Variants in TTLL8 observed in about 807,000 individuals in gnomAD.
The protein encoded by TTLL8 is tubulin tyrosine ligase like 8, also known as protein monoglycylase TTLL8.
In TTLL8, 65 loss-of-function variants were observed where a neutral mutation model predicts 77.8. The ratio of observed to expected loss-of-function variants is 0.84; its 90% CI spans 0.68 to 1.03. The LOEUF is 1.03. TTLL8 is among the 50% of genes least tolerant of loss of function. TTLL8 has a pLI of 0.00. For synonymous variants in TTLL8, 402 were observed against 422.8 expected (o/e 0.95, Z 0.60); for missense variants, 910 against 1,004.5 (o/e 0.91, Z 1.27).
At chr22:50,053,643 A>C (rs1976744484) in intron 1 of TTLL8, among the ~76,000 whole-genome samples, 1 of 152,254 alleles carries the variant, frequency 6.6e-6, no homozygotes, top group Non-Finnish European at 1.5e-5. Flanking sequence ...TTCTACTTAT[A>C]TGAAGTTCCA....
At chr22:50,020,289 G>GTGCACTCCTCCATCTGACA (rs1485191062) in intron 12 of TTLL8, among the ~76,000 whole-genome samples, 4 of 146,320 alleles carry the variant, frequency 2.7e-5, no homozygotes, top group Non-Finnish European at 6.0e-5. Flanking sequence ...TCCATCTGAT[G>GTGCACTCCTCCATCTGACA]TGCACTCCTC....
chr22:50,045,909 A>G (rs375295282), exon 5 of TTLL8: 33 of 1,362,012 alleles, frequency 2.4e-5, no homozygotes, highest in Admixed American at 9.6e-5. Context: ...GCGTGGGAAG[A>G]AGGAGTCGGG....
intron 12 of TTLL8, among the ~76,000 whole-genome samples, chr22:50,024,514 G>T (rs1287637578): frequency 1.3e-5 from 2 of 152,218 alleles, no homozygotes; most frequent in Non-Finnish European, 2.9e-5. Flanking sequence ...TCCTTCAAGA[G>T]AGTATATTTT....
At chr22:50,043,123 T>C (rs1041690231) in intron 6 of TTLL8, among the ~76,000 whole-genome samples, 7 of 148,674 alleles carry the variant, frequency 4.7e-5, no homozygotes, top group Non-Finnish European at 1.1e-4. Context: ...AGATAAACAG[T>C]GGTGCCGAGA....
chr22:50,027,671 C>T (rs905455990), intron 12 of TTLL8: 182 of 985,346 alleles, frequency 1.8e-4, no homozygotes, highest in Non-Finnish European at 2.2e-4. Flanking sequence ...TCCTGCTGGC[C>T]GGACTGGGCC....
chr22:50,030,157 G>C, intron 12 of TTLL8: 1 of 984,968 alleles, frequency 1.0e-6, no homozygotes, highest in Non-Finnish European at 1.2e-6. Context: ...GGGGACAAAG[G>C]CGTCACCCGC....
chr22:50,030,727 G>T (rs2061283569), exon 12 of TTLL8: 5 of 1,315,680 alleles, frequency 3.8e-6, no homozygotes, highest in South Asian at 2.5e-5. Context: ...CCCAAGTCCC[G>T]CTGGAGAGCT....
In TTLL8 at chr22:50,033,517, G is replaced by A. The variant is rs1465921984; in HGVS notation, c.1040-72C>T. ...CGGGACCTGAGCTCCTGAGCCCTGG[G>A]GCAGGGTCGCAGCTTGGCCCTGAGA... On this transcript the variant is annotated intron_variant, in intron 9 of 13. Coordinates refer to ENST00000266182, the Ensembl canonical transcript of TTLL8. The A allele has an allele frequency of 5.5e-6, 7 of 1,282,328 alleles. No individual in the cohort carries two copies. The Middle Eastern group carries it at 6.6e-4, about 121-fold the overall frequency. The allele number at this position is 1,282,328 out of a possible 1,614,324, so 79.4% of individuals were successfully genotyped here.
intron 12 of TTLL8, chr22:50,027,573 T>C: frequency 4.8e-6 from 4 of 827,422 alleles, no homozygotes; most frequent in Non-Finnish European, 5.8e-6. Context: ...CTCCCCAAGA[T>C]CTGCAGATTC....
chr22:50,026,786 T>A (rs1294752451), intron 12 of TTLL8, among the ~76,000 whole-genome samples: 2 of 152,172 alleles, frequency 1.3e-5, no homozygotes, highest in African/African-American at 4.8e-5. Flanking sequence ...AGAGATACTA[T>A]TTACTAGGCA....
rs2061330925 is a variant in TTLL8, at chr22:50,035,641, C to G, written c.922-1179G>C. On this transcript the variant is annotated intron_variant, in intron 8 of 13. Coordinates refer to ENST00000266182, the Ensembl canonical transcript of TTLL8. ...TGGAGCAAACCGGGCACAGCCAGCC[C>G]CCCGCGCCCCTGAAGCAGCCTTGTC... Among the ~76,000 whole-genome samples the G allele has an allele frequency of 3.3e-5, 5 of 152,186 alleles. No homozygotes were observed. The South Asian group carries it at 1.0e-3, about 32-fold the overall frequency.
At chr22:50,020,207 A>G (rs1425051704) in intron 12 of TTLL8, among the ~76,000 whole-genome samples, 3 of 152,198 alleles carry the variant, frequency 2.0e-5, no homozygotes, top group Non-Finnish European at 4.4e-5. Flanking sequence ...ACAATCATCT[A>G]ATGACTCACA....
At chr22:50,050,412 A>G (rs914385965) in intron 1 of TTLL8, among the ~76,000 whole-genome samples, 165 bp from the exon 4 acceptor site, 19 of 146,564 alleles carry the variant, frequency 1.3e-4, no homozygotes, top group Admixed American at 5.5e-4. Context: ...TCACTCTGTC[A>G]TCCAGGCCGG....
In TTLL8 at chr22:50,041,767, C is replaced by T. The variant is rs745446299; in HGVS notation, c.684G>A (p.Gly228=). 1 of 1,363,866 alleles carries T rather than the reference C, an allele frequency of 7.3e-7. No individual in the cohort carries two copies. The highest frequency in any genetic ancestry group is 1.9e-5 in the Admixed American group (1 of 51,966). 84.5% of individuals were successfully genotyped at this position (1,363,866 alleles called of 1,614,324 possible). Residue 228 remains glycine (G), a synonymous_variant, in exon 7 of 14, where the codon GGG becomes GGA. Coordinates refer to ENST00000266182, the Ensembl canonical transcript of TTLL8. This position sits in a 1 kb window ranked among gnomAD's most constrained non-coding sequence, Gnocchi z 4.3. ...CCTTGCACGCGATGTCCACAAGCTG[C>T]CCCGGGAGGCCCCTGAGCTTTGCCT...
chr22:50,022,491 G>A (rs149798187), intron 12 of TTLL8, among the ~76,000 whole-genome samples: 2,323 of 148,552 alleles, frequency 0.016, 32 homozygotes, highest in Middle Eastern at 0.027. Flanking sequence ...TCCATCTGAC[G>A]TGCACTCCTC....
chr22:50,030,257 C>T, intron 12 of TTLL8, 173 bp downstream of exon 13: 1 of 985,258 alleles, frequency 1.0e-6, no homozygotes, highest in Non-Finnish European at 1.2e-6. Flanking sequence ...GGGACAGGTG[C>T]CCCAACCCCG....
At chr22:50,046,193 G>A (rs181811374) in intron 4 of TTLL8, among the ~76,000 whole-genome samples, 199 of 152,264 alleles carry the variant, frequency 1.3e-3, no homozygotes, top group African/African-American at 4.5e-3. Context: ...AGGCTCAGAC[G>A]CATCCTTGAG....
intron 1 of TTLL8, among the ~76,000 whole-genome samples, chr22:50,052,737 A>G (rs1213892420): frequency 6.6e-6 from 1 of 152,252 alleles, no homozygotes; most frequent in African/African-American, 2.4e-5. Flanking sequence ...ATACATGTGT[A>G]TGCACCTATT....
upstream of TTLL8, among the ~76,000 whole-genome samples, chr22:50,057,569 T>G (rs1171897858): frequency 2.9e-5 from 1 of 34,070 alleles, no homozygotes; most frequent in Non-Finnish European, 4.4e-5. Flanking sequence ...AGGTCTGGGT[T>G]GGGGTCAGGT....
Sources: gnomAD v4.1 joint callset for allele counts (sites outside exome capture counted in the v4.1 genomes callset) on GRCh38, gnomAD v4.1.1 for gene constraint, Gnocchi (gnomAD v3.1) non-coding constraint, MANE v1.5 for transcripts, NCBI Gene and HGNC (gene_info 2026-07-23, HGNC 2026-07-21) for gene names.